LRRC4C: variants seen among roughly 807,000 people sequenced by gnomAD.
LRRC4C encodes the protein leucine-rich repeat-containing protein 4C.
LRRC4C carries 5 observed loss-of-function variants against 33.6 expected under a neutral mutation model. The observed-to-expected ratio is 0.15, with a 90% CI of 0.08 to 0.31. The LOEUF (loss-of-function observed/expected upper bound fraction) is 0.31, where lower values mean the gene tolerates loss of function less well. Ranked by LOEUF, LRRC4C falls within the 10% of genes least tolerant of loss-of-function variation. The pLI, the probability that LRRC4C is intolerant of heterozygous loss-of-function variation, is 1.00. For synonymous variants in LRRC4C, 329 were observed against 302.0 expected (o/e 1.09, Z -0.93); for missense variants, 560 against 796.7 (o/e 0.70, Z 3.58).
chr11:40,211,541 T>C (rs1863607665), intron 5 of LRRC4C, among the ~76,000 whole-genome samples: 1 of 152,170 alleles, frequency 6.6e-6, no homozygotes, highest in Non-Finnish European at 1.5e-5. Context: ...AAATTCAAAA[T>C]AAAAAAGCTA....
intron 1 of LRRC4C, among the ~76,000 whole-genome samples, chr11:41,433,805 G>C (rs1955328691): frequency 6.6e-6 from 1 of 151,508 alleles, no homozygotes; most frequent in Non-Finnish European, 1.5e-5. Context: ...ATATATATGT[G>C]TGTGTGTGTG....
At chr11:40,418,259 T>G (rs1404865919) in intron 3 of LRRC4C, among the ~76,000 whole-genome samples, 1 of 151,632 alleles carries the variant, frequency 6.6e-6, no homozygotes, top group African/African-American at 2.4e-5. Context: ...CTTAAAAAAA[T>G]TACAAGAAAA....
intron 1 of LRRC4C, among the ~76,000 whole-genome samples, chr11:41,265,016 G>T (rs1361543031): frequency 6.6e-6 from 1 of 152,098 alleles, no homozygotes; most frequent in Non-Finnish European, 1.5e-5. Context: ...TATTGTGAGG[G>T]TAAGGACTCT....
At chr11:40,873,530 T>A (rs1337274449) in intron 2 of LRRC4C, among the ~76,000 whole-genome samples, 1 of 152,170 alleles carries the variant, frequency 6.6e-6, no homozygotes, top group African/African-American at 2.4e-5. Flanking sequence ...ACTCAGTTAC[T>A]GTAAGGGGTA....
intron 5 of LRRC4C, among the ~76,000 whole-genome samples, chr11:40,188,177 G>A (rs1861557945): frequency 6.6e-6 from 1 of 152,166 alleles, no homozygotes; most frequent in Non-Finnish European, 1.5e-5. Context: ...AAATGATATT[G>A]TTTCTTCAAC....
At chr11:41,183,348 C>T (rs1287779390) in intron 1 of LRRC4C, among the ~76,000 whole-genome samples, 2 of 152,094 alleles carry the variant, frequency 1.3e-5, no homozygotes, top group Admixed American at 6.6e-5. Context: ...AAAGCAAGTA[C>T]ATTGTATGTA....
At position 40,257,350 on chromosome 11, in the gene LRRC4C, T is replaced by C. The variant is rs373873880; in HGVS notation, c.-175-15752A>G. Among the ~76,000 whole-genome samples the C allele has an allele frequency of 5.9e-5, 9 of 152,294 alleles. 1 individual carries two copies. The South Asian group carries it at 8.3e-4, about 14-fold the overall frequency. On this transcript the variant is annotated intron_variant, in intron 4 of 6. Transcript: ENST00000528697. ...ATAAGGACACAACATATTTACTATATACCAAGTATAAAAACATAAGAACAT... is the reference window on the plus strand; with the variant it reads ...ATAAGGACACAACATATTTACTATACACCAAGTATAAAAACATAAGAACAT...
chr11:40,277,573 T>G (rs1943200478), intron 4 of LRRC4C, among the ~76,000 whole-genome samples: 1 of 152,032 alleles, frequency 6.6e-6, no homozygotes, highest in African/African-American at 2.4e-5. Context: ...TTATTATTAT[T>G]ATTAATTAGC....
chr11:40,576,796 T>C (rs917537612), intron 3 of LRRC4C, among the ~76,000 whole-genome samples: 12 of 152,214 alleles, frequency 7.9e-5, no homozygotes, highest in African/African-American at 2.9e-4. Flanking sequence ...GAAGGAGACA[T>C]CATTCTCCAG....
chr11:40,977,600 C>T (rs1418453347), intron 1 of LRRC4C, among the ~76,000 whole-genome samples: 1 of 152,094 alleles, frequency 6.6e-6, no homozygotes, highest in African/African-American at 2.4e-5. Flanking sequence ...AAAAACTCTT[C>T]TCTAGACAAG....
intron 4 of LRRC4C, among the ~76,000 whole-genome samples, chr11:40,318,490 A>C (rs979414508): frequency 6.6e-6 from 1 of 152,184 alleles, no homozygotes; most frequent in Non-Finnish European, 1.5e-5. Flanking sequence ...GCTACCTTCT[A>C]CAGATACTTG....
chr11:40,740,212 T>C (rs1948091974), intron 2 of LRRC4C, among the ~76,000 whole-genome samples: 1 of 151,970 alleles, frequency 6.6e-6, no homozygotes, highest in Admixed American at 6.6e-5. Flanking sequence ...GGTAGTACTA[T>C]TATTTTTAAT....
intron 3 of LRRC4C, among the ~76,000 whole-genome samples, chr11:40,430,943 G>A (rs1476254615): frequency 2.9e-5 from 3 of 103,110 alleles, no homozygotes; most frequent in African/African-American, 7.7e-5. Context: ...TCTGGGGACC[G>A]TGGTGGGGTG....
intron 2 of LRRC4C, among the ~76,000 whole-genome samples, chr11:40,896,774 A>G (rs1955961079): frequency 6.6e-6 from 1 of 152,148 alleles, no homozygotes; most frequent in African/African-American, 2.4e-5. Context: ...AGGTATTATC[A>G]ATAGCATATT....
intron 3 of LRRC4C, among the ~76,000 whole-genome samples, chr11:40,323,160 G>C (rs1433290992): frequency 1.3e-5 from 2 of 152,068 alleles, no homozygotes; most frequent in Non-Finnish European, 2.9e-5. Flanking sequence ...AGTTCTCATA[G>C]CTTCTCATAG....
chr11:40,701,919 A>G (rs2136493079), intron 2 of LRRC4C, among the ~76,000 whole-genome samples: 1 of 151,968 alleles, frequency 6.6e-6, no homozygotes, highest in East Asian at 1.9e-4. Flanking sequence ...ACTATTCTAC[A>G]ATTAGAAATA....
intron 1 of LRRC4C, among the ~76,000 whole-genome samples, chr11:41,383,254 G>A (rs1565629470): frequency 6.6e-6 from 1 of 152,108 alleles, no homozygotes; most frequent in African/African-American, 2.4e-5. Context: ...CCTATTGTTA[G>A]TGAAAGTGTA....
intron 3 of LRRC4C, among the ~76,000 whole-genome samples, chr11:40,506,768 G>A (rs904694148): frequency 6.6e-6 from 1 of 151,956 alleles, no homozygotes; most frequent in African/African-American, 2.4e-5. Context: ...TAAGAGCATT[G>A]GCACAACAAT....
intron 1 of LRRC4C, among the ~76,000 whole-genome samples, chr11:41,079,748 T>C (rs1939423584): frequency 1.3e-5 from 2 of 152,344 alleles, no homozygotes; most frequent in South Asian, 4.1e-4. Context: ...CACAAATTCA[T>C]AAACTTTCTT....
Sources: gnomAD v4.1 joint callset for allele counts (sites outside exome capture counted in the v4.1 genomes callset) on GRCh38, gnomAD v4.1.1 for gene constraint, MANE v1.5 for transcripts, NCBI Gene and HGNC (gene_info 2026-07-23, HGNC 2026-07-21) for gene names.